SZRD1: variants seen among roughly 807,000 people sequenced by gnomAD.
SZRD1 encodes SUZ RNA binding domain containing 1.
SZRD1 carries 7 observed loss-of-function variants against 17.6 expected under a neutral mutation model. The observed-to-expected ratio is 0.40, with a 90% CI of 0.23 to 0.75. The LOEUF (loss-of-function observed/expected upper bound fraction) is 0.75. SZRD1 is among the 30% of genes least tolerant of loss of function. The pLI, the probability that SZRD1 is intolerant of heterozygous loss-of-function variation, is 0.38. For synonymous variants in SZRD1, 77 were observed against 77.9 expected (o/e 0.99, Z 0.06); for missense variants, 178 against 201.8 (o/e 0.88, Z 0.71).
At chr1:16,389,122 C>T (rs1359195926) in intron 1 of SZRD1, among the ~76,000 whole-genome samples, 8 of 139,866 alleles carry the variant, frequency 5.7e-5, no homozygotes, top group Non-Finnish European at 9.1e-5. Flanking sequence ...CTCGCTCTGT[C>T]GCCCAGGCTG....
In SZRD1 at chr1:16,393,528, A is replaced by G. The variant is rs2085251433; in HGVS notation, c.356+46A>G. 4 of 1,556,274 alleles carry G rather than the reference A, an allele frequency of 2.6e-6. No homozygotes were observed. The highest frequency in any genetic ancestry group is 1.4e-5 in the African/African-American group (1 of 73,474). ...CGGCCAGTGATGGCTGTCCCAGTCCACCCGGGAAGAGGAGAGCATCCTGGC... is the reference window on the plus strand; with the variant it reads ...CGGCCAGTGATGGCTGTCCCAGTCCGCCCGGGAAGAGGAGAGCATCCTGGC... On this transcript the variant is annotated intron_variant, in intron 3 of 3. Transcript: ENST00000401088. This position sits in a 1 kb window ranked among gnomAD's most constrained non-coding sequence, Gnocchi z 5.6.
intron 1 of SZRD1, among the ~76,000 whole-genome samples, chr1:16,384,163 T>C (rs2083151105): frequency 6.6e-6 from 1 of 152,068 alleles, no homozygotes; most frequent in African/African-American, 2.4e-5. Context: ...GCTATGCTAC[T>C]GATGGAAACA....
chr1:16,391,093 A>C lies in SZRD1; in HGVS notation c.52-282A>C, dbSNP rs2085214991. Among the ~76,000 whole-genome samples the C allele has an allele frequency of 1.3e-5, 2 of 152,180 alleles. No individual in the cohort carries two copies. The highest frequency in any genetic ancestry group is 1.3e-4 in the Admixed American group (2 of 15,268). ...AAGTTGATATGAGTGGCTCTGTGAA[A>C]GACAGATTACAGGTCAGAAAACTGG... On this transcript the variant is annotated intron_variant, in intron 1 of 3. Coordinates refer to ENST00000401088, the MANE Select transcript of SZRD1 (RefSeq NM_001114600.3). The surrounding 1 kb of genome is among the most constrained non-coding windows in gnomAD (Gnocchi z 4.3).
At chr1:16,377,562 C>CAAAAAAA (rs34066824) in intron 1 of SZRD1, among the ~76,000 whole-genome samples, 7,335 of 61,658 alleles carry the variant, frequency 0.12, 365 homozygotes, top group Non-Finnish European at 0.18. Context: ...GACTCTGTCT[C>CAAAAAAA]AAAAAAAAAA....
rs182590255 is a variant in SZRD1, at chr1:16,391,249, T to A, written c.52-126T>A. ...ACCCCAAAATCTAGTCCACATTTGT[T>A]ATGTTGAAGGACACAGTCATGTCCC... is the stretch of plus-strand genomic sequence containing the variant. On this transcript the variant is annotated intron_variant, in intron 1 of 3. Coordinates refer to ENST00000401088, the MANE Select transcript of SZRD1 (RefSeq NM_001114600.3). This position sits in a 1 kb window ranked among gnomAD's most constrained non-coding sequence, Gnocchi z 4.3. 1 of 704,606 alleles carries A rather than the reference T, an allele frequency of 1.4e-6. No individual in the cohort carries two copies. The highest frequency in any genetic ancestry group is 2.4e-6 in the Non-Finnish European group (1 of 414,278). The allele number at this position is 704,606 out of a possible 1,614,324, so 43.6% of individuals were successfully genotyped here.
At chr1:16,375,434 C>A (rs1237565008) in intron 1 of SZRD1, among the ~76,000 whole-genome samples, 1 of 152,040 alleles carries the variant, frequency 6.6e-6, no homozygotes, top group African/African-American at 2.4e-5. Flanking sequence ...CATGCCTCAC[C>A]CTCCCAAGTA....
intron 1 of SZRD1, among the ~76,000 whole-genome samples, chr1:16,382,381 T>C (rs1466697194): frequency 2.0e-5 from 3 of 151,654 alleles, no homozygotes; most frequent in South Asian, 4.2e-4. Context: ...AGAAATAGGG[T>C]TTCACCATGT....
At chr1:16,382,047 G>A (rs187566263) in intron 1 of SZRD1, among the ~76,000 whole-genome samples, 2 of 152,362 alleles carry the variant, frequency 1.3e-5, no homozygotes, top group African/African-American at 4.8e-5. Flanking sequence ...CAATGTGGTG[G>A]CCATGCTTGA....
At position 16,376,276 on chromosome 1, in the gene SZRD1, G is replaced by C. The variant is rs144255585; in HGVS notation, c.51+8968G>C. On this transcript the variant is annotated intron_variant, in intron 1 of 3. Coordinates refer to ENST00000401088, the MANE Select transcript of SZRD1 (RefSeq NM_001114600.3). ...AGTGCTTTAGGATGCTTAGTTACTA[G>C]CTCCTTTGAAGCATTTCATTTGTTT... Among the ~76,000 whole-genome samples the C allele has an allele frequency of 2.1e-4, 32 of 152,268 alleles. 1 individual carries two copies. In the East Asian group the frequency reaches 6.2e-3, roughly 29 times the overall value.
In SZRD1 at chr1:16,395,106, C is replaced by T; in HGVS notation, c.425C>T (p.Pro142Leu). The change falls in exon 4 of 4, where the codon CCT becomes CTT. Residue 142 changes from proline to leucine, a missense_variant. Around this residue, in one of 3 missense-constraint regions of SZRD1, gnomAD observed 57 missense variants for 71.9 expected, o/e 0.79. Transcript: ENST00000401088. ...AATGTGATCAGACAGCCTTTGGGTC[C>T]TGATGGGTCTCAAGGCTTCAAACAG... ...PNNVIRQPLGPDGSQGFKQRR is the reference protein window; with the variant it reads ...PNNVIRQPLGLDGSQGFKQRR The T allele has an allele frequency of 6.2e-7, 1 of 1,613,840 alleles. No homozygotes were observed. Among genetic ancestry groups the T allele is most frequent in the Non-Finnish European group, 8.5e-7 (1 of 1,179,700 alleles).
intron 3 of SZRD1, 50 bp from the exon 4 acceptor site, chr1:16,394,988 A>G: frequency 1.0e-6 from 1 of 978,732 alleles, no homozygotes; most frequent in Non-Finnish European, 1.6e-6. Flanking sequence ...ATGATGGGGG[A>G]CATCTATTAT....
Position 16,395,205 on chromosome 1 carries a change from T to G in SZRD1, c.*65T>G, listed in dbSNP as rs769136148. Reference sequence around the variant, plus strand: ...GCCTCCTGGGTCGTCCGCCACGGGTTGCACTGCCGTGGCAGACAGCTGGAC... The same window carrying G: ...GCCTCCTGGGTCGTCCGCCACGGGTGGCACTGCCGTGGCAGACAGCTGGAC... On this transcript the variant is annotated 3_prime_UTR_variant, in exon 4 of 4. Transcript: ENST00000401088. The G allele has an allele frequency of 3.8e-5, 43 of 1,128,074 alleles. No homozygotes were observed. In the Admixed American group the frequency reaches 7.3e-4, roughly 19 times the overall value. The allele number at this position is 1,128,074 out of a possible 1,614,324, so 69.9% of individuals were successfully genotyped here.
At position 16,393,606 on chromosome 1, in the gene SZRD1, C is replaced by T. The variant is rs2085252718; in HGVS notation, c.356+124C>T. 1 of 1,076,460 alleles carries T rather than the reference C, an allele frequency of 9.3e-7. No individual in the cohort carries two copies. Among genetic ancestry groups the T allele is most frequent in the Non-Finnish European group, 1.3e-6 (1 of 759,928 alleles). The allele number at this position is 1,076,460 out of a possible 1,614,324, so 66.7% of individuals were successfully genotyped here. ...GAGTCAGGGTAGGAACCATGCAGCT[C>T]CACTTGCTGATCCCAGCCTGCTGGC... On this transcript the variant is annotated intron_variant, in intron 3 of 3. Coordinates refer to ENST00000401088, the MANE Select transcript of SZRD1 (RefSeq NM_001114600.3). The surrounding 1 kb of genome is among the most constrained non-coding windows in gnomAD (Gnocchi z 5.6).
At chr1:16,387,098 C>T (rs2085137688) in intron 1 of SZRD1, 1 of 319,940 alleles carries the variant, frequency 3.1e-6, no homozygotes, top group South Asian at 2.6e-5. Context: ...AGAATGTTGA[C>T]AGCCATAATA....
intron 3 of SZRD1, among the ~76,000 whole-genome samples, chr1:16,394,522 C>T (rs1173073219): frequency 6.6e-6 from 1 of 152,192 alleles, no homozygotes; most frequent in Non-Finnish European, 1.5e-5. Context: ...GGAAAGGATG[C>T]TGTAGCTGCT....
intron 1 of SZRD1, among the ~76,000 whole-genome samples, chr1:16,382,005 G>A (rs920106949): frequency 5.9e-5 from 9 of 152,192 alleles, no homozygotes; most frequent in Non-Finnish European, 1.2e-4. Flanking sequence ...CCAGAGGCTG[G>A]AGCATGATTG....
In SZRD1 at chr1:16,391,246, T is replaced by C. The variant is rs547731075; in HGVS notation, c.52-129T>C. 6 of 696,666 alleles carry C rather than the reference T, an allele frequency of 8.6e-6. No individual in the cohort carries two copies. The highest frequency in any genetic ancestry group is 1.5e-5 in the Non-Finnish European group (6 of 407,420). The allele number at this position is 696,666 out of a possible 1,614,324, so 43.2% of individuals were successfully genotyped here. A position where few individuals can be genotyped will look rare whatever the true frequency, so the allele number is the denominator to read the frequency against. On this transcript the variant is annotated intron_variant, in intron 1 of 3. Coordinates refer to ENST00000401088, the MANE Select transcript of SZRD1 (RefSeq NM_001114600.3). The surrounding 1 kb of genome is among the most constrained non-coding windows in gnomAD (Gnocchi z 4.3). Reference sequence around the variant, plus strand: ...CAAACCCCAAAATCTAGTCCACATTTGTTATGTTGAAGGACACAGTCATGT... The same window carrying C: ...CAAACCCCAAAATCTAGTCCACATTCGTTATGTTGAAGGACACAGTCATGT...
chr1:16,374,402 A>G (rs1247361585), intron 1 of SZRD1, among the ~76,000 whole-genome samples: 1 of 152,204 alleles, frequency 6.6e-6, no homozygotes, highest in East Asian at 1.9e-4. Context: ...TGAGCTTTTC[A>G]CTAGTAACTT....
At chr1:16,373,966 C>G (rs1035452204) in intron 1 of SZRD1, among the ~76,000 whole-genome samples, 2 of 152,122 alleles carry the variant, frequency 1.3e-5, no homozygotes, top group African/African-American at 4.8e-5. Context: ...GGAGAAGAGG[C>G]CATTCTCCCC....
Sources: gnomAD v4.1 joint callset for allele counts (sites outside exome capture counted in the v4.1 genomes callset) on GRCh38, gnomAD v4.1.1 for gene constraint, gnomAD v4.1.1 regional missense constraint, Gnocchi (gnomAD v3.1) non-coding constraint, MANE v1.5 for transcripts, NCBI Gene and HGNC (gene_info 2026-07-23, HGNC 2026-07-21) for gene names.